AFF2: variants seen among roughly 807,000 people sequenced by gnomAD.
AFF2 encodes the protein AF4/FMR2 family member 2.
In AFF2, 14 loss-of-function variants were observed where a neutral mutation model predicts 76.9. The observed-to-expected ratio is 0.18, with a 90% CI of 0.12 to 0.28. The LOEUF (loss-of-function observed/expected upper bound fraction) is 0.28. Ranked by LOEUF, AFF2 falls within the 10% of genes least tolerant of loss-of-function variation. AFF2 has a pLI of 1.00. For missense variants in AFF2, 868 were observed against 1,001.1 expected, an observed-to-expected ratio of 0.87 and a Z score of 1.79; for synonymous variants, 398 against 366.7, an observed-to-expected ratio of 1.09 and a Z score of -0.98.
chrX:148,920,348 G>T (rs1025309835), intron 9 of AFF2, among the ~76,000 whole-genome samples: 2 of 111,254 alleles, frequency 1.8e-5, no homozygotes, highest in Admixed American at 9.6e-5. Context: ...TTCCTTTGTG[G>T]GCCAAGATTT....
chrX:148,786,803 A>G (rs1557269556), intron 3 of AFF2, among the ~76,000 whole-genome samples: 2 of 111,665 alleles, frequency 1.8e-5, no homozygotes, highest in Non-Finnish European at 3.8e-5. Context: ...TTTGTGTTTG[A>G]AACTCCTACA....
chrX:148,659,071 A>T (rs782180080), intron 2 of AFF2, among the ~76,000 whole-genome samples: 14 of 112,036 alleles, frequency 1.2e-4, no homozygotes, highest in Non-Finnish European at 2.4e-4. Context: ...TAGAAGGTTG[A>T]TTTTCCAGAC....
chrX:148,835,785 A>T (rs1173229262), intron 4 of AFF2, among the ~76,000 whole-genome samples: 3 of 111,041 alleles, frequency 2.7e-5, no homozygotes, highest in African/African-American at 9.9e-5. Context: ...TCCACCTCAC[A>T]TACTTTTTTT....
intron 16 of AFF2, among the ~76,000 whole-genome samples, chrX:148,975,263 T>C (rs1380326461): frequency 3.6e-5 from 4 of 111,980 alleles, no homozygotes; most frequent in African/African-American, 1.3e-4. Flanking sequence ...AGAAAACAAT[T>C]GTAAAGACTA....
intron 1 of AFF2, among the ~76,000 whole-genome samples, chrX:148,607,958 A>G (rs185789919): frequency 3.3e-4 from 37 of 111,928 alleles, no homozygotes; most frequent in African/African-American, 1.2e-3. Flanking sequence ...GAGTATTCTG[A>G]GAAGTTGATG....
rs781903716 is a variant in AFF2, at chrX:148,564,329, A to G, written c.47+63185A>G. Among the ~76,000 whole-genome samples the G allele has an allele frequency of 4.5e-5, 5 of 111,009 alleles. No homozygotes were observed. The East Asian group carries it at 1.4e-3, about 32-fold the overall frequency. Reference sequence around the variant, plus strand: ...GGCTATATTCAGTAACTAATAAAGAAATTATTAAGAAAGGGAAGTACAAAA... The same window carrying G: ...GGCTATATTCAGTAACTAATAAAGAGATTATTAAGAAAGGGAAGTACAAAA... On this transcript the variant is annotated intron_variant, in intron 1 of 20. Coordinates refer to ENST00000370460, the MANE Select transcript of AFF2 (RefSeq NM_002025.4).
intron 1 of AFF2, among the ~76,000 whole-genome samples, chrX:148,510,628 G>A (rs1021621057): frequency 8.9e-6 from 1 of 111,893 alleles, no homozygotes; most frequent in Admixed American, 9.5e-5. Flanking sequence ...ACTCCAACAA[G>A]AGACACACAA....
chrX:148,897,240 T>G (rs2071297767), intron 8 of AFF2, among the ~76,000 whole-genome samples: 1 of 27,569 alleles, frequency 3.6e-5, no homozygotes, highest in Non-Finnish European at 6.3e-5. Context: ...TATATATATA[T>G]ATATATATAT....
intron 3 of AFF2, among the ~76,000 whole-genome samples, chrX:148,790,996 A>T (rs2069886240): frequency 8.9e-6 from 1 of 112,191 alleles, no homozygotes; most frequent in Non-Finnish European, 1.9e-5. Context: ...AGTCCATTAG[A>T]CAGAACTCGT....
At position 148,504,621 on chromosome X, in the gene AFF2, G is replaced by C. The variant is rs567669427; in HGVS notation, c.47+3477G>C. Among the ~76,000 whole-genome samples, 30 of 113,294 alleles carry C rather than the reference G, an allele frequency of 2.6e-4. 1 individual carries two copies. The South Asian group carries it at 0.01, about 39-fold the overall frequency. ...TGTGTGGGGCTGTCAAGGCTGAGAAGGGGCCATGTGCCGGCCAGGCCTCTC... is the reference window on the plus strand; with the variant it reads ...TGTGTGGGGCTGTCAAGGCTGAGAACGGGCCATGTGCCGGCCAGGCCTCTC... On this transcript the variant is annotated intron_variant, in intron 1 of 20. Transcript: ENST00000370460.
intron 7 of AFF2, among the ~76,000 whole-genome samples, chrX:148,863,467 C>G (rs1292942760): frequency 1.8e-5 from 2 of 111,705 alleles, no homozygotes; most frequent in Non-Finnish European, 3.8e-5. Flanking sequence ...AGTGGCCATT[C>G]AACTTTATTT....
intron 1 of AFF2, among the ~76,000 whole-genome samples, chrX:148,539,188 A>G (rs1456661994): frequency 3.6e-5 from 4 of 112,286 alleles, no homozygotes; most frequent in African/African-American, 1.3e-4. Flanking sequence ...AATCTAATTC[A>G]TTAAGCACTT....
At chrX:148,800,882 A>T (rs782298458) in intron 3 of AFF2, among the ~76,000 whole-genome samples, 4 of 112,552 alleles carry the variant, frequency 3.6e-5, no homozygotes, top group Non-Finnish European at 5.6e-5. Context: ...AATGATTAAA[A>T]ATAGCTCTTC....
chrX:148,601,219 C>T (rs1202464364), intron 1 of AFF2, among the ~76,000 whole-genome samples: 4 of 112,337 alleles, frequency 3.6e-5, no homozygotes, highest in African/African-American at 1.3e-4. Context: ...GAAACTACTT[C>T]TTACTTGGGG....
intron 8 of AFF2, among the ~76,000 whole-genome samples, chrX:148,886,709 C>A (rs1386390036): frequency 1.8e-5 from 2 of 111,988 alleles, no homozygotes; most frequent in African/African-American, 6.5e-5. Flanking sequence ...AGAACTGTCT[C>A]GAATGTGGGG....
At chrX:148,530,511 C>T (rs1314609259) in intron 1 of AFF2, among the ~76,000 whole-genome samples, 1 of 111,525 alleles carries the variant, frequency 9.0e-6, no homozygotes, top group African/African-American at 3.3e-5. Context: ...TCATTCCCAT[C>T]CCATGCCTTC....
intron 1 of AFF2, among the ~76,000 whole-genome samples, chrX:148,631,643 G>A (rs1422857062): frequency 4.5e-5 from 5 of 112,313 alleles, no homozygotes; most frequent in Non-Finnish European, 7.5e-5. Flanking sequence ...CTTCATTCTA[G>A]TCTGCAGCTA....
At chrX:148,502,080 C>T (rs1213487780) in intron 1 of AFF2, among the ~76,000 whole-genome samples, 1 of 112,191 alleles carries the variant, frequency 8.9e-6, no homozygotes, top group Non-Finnish European at 1.9e-5. Context: ...TCAAAAACTT[C>T]ACCTACTACA....
chrX:148,729,514 G>T (rs1448649552), intron 3 of AFF2, among the ~76,000 whole-genome samples: 1 of 111,569 alleles, frequency 9.0e-6, no homozygotes, highest in Admixed American at 9.5e-5. Context: ...TTGTGAGAGG[G>T]AGAATGGATT....
Sources: allele counts gnomAD v4.1 joint callset (sites outside exome capture counted in the v4.1 genomes callset), GRCh38; gene constraint gnomAD v4.1.1; transcripts MANE v1.5; gene names NCBI Gene and HGNC (gene_info 2026-07-23, HGNC 2026-07-21).